The following GPD2 variants were observed in gnomAD, a reference collection of about 807,000 sequenced individuals.
GPD2 encodes glycerol-3-phosphate dehydrogenase, mitochondrial.
In GPD2, 54 loss-of-function variants were observed where a neutral mutation model predicts 82.4. The ratio of observed to expected loss-of-function variants is 0.66; its 90% CI spans 0.53 to 0.82. The LOEUF is 0.82. Ranked by LOEUF, GPD2 falls within the 40% of genes least tolerant of loss-of-function variation. GPD2 has a pLI of 0.00. For missense variants in GPD2, 748 were observed against 896.2 expected, an observed-to-expected ratio of 0.83 and a Z score of 2.11; for synonymous variants, 288 against 306.1, an observed-to-expected ratio of 0.94 and a Z score of 0.62.
At chr2:156,531,350 G>T (rs1244864073) in intron 6 of GPD2, among the ~76,000 whole-genome samples, 1 of 152,182 alleles carries the variant, frequency 6.6e-6, no homozygotes, top group Non-Finnish European at 1.5e-5. Flanking sequence ...ATCCCCTGAG[G>T]TCAGGAGAAC....
chr2:156,523,670 CTAGATAGATAGATAGATAGA>C lies in GPD2; in HGVS notation c.661+10205_661+10224del, dbSNP rs3086039. ...AAATTGTTCAACAATAATTTCTTTTCTAGATAGATAGATAGATAGATAGATAGATAGATAGATAGATAGAT... is the reference window on the plus strand; with the variant it reads ...AAATTGTTCAACAATAATTTCTTTTCTAGATAGATAGATAGATAGATAGAT... On this transcript the variant is annotated intron_variant, in intron 6 of 16. Coordinates refer to ENST00000438166, the MANE Select transcript of GPD2 (RefSeq NM_000408.5). 3.6e-3 allele frequency among the ~76,000 whole-genome samples: 533 copies of C among 146,698 alleles called. 2 individuals carry two copies. The highest frequency in any genetic ancestry group is 6.2e-3 in the Non-Finnish European group (413 of 66,658).
chr2:156,416,020 CA>C, the GPD2 span, among the ~76,000 whole-genome samples: 80 of 44,398 alleles, frequency 1.8e-3, 3 homozygotes, highest in Non-Finnish European at 2.3e-3. Context: ...GACTCCGTCT[CA>C]AAAAAAAAAA....
At position 156,570,090 on chromosome 2, in the gene GPD2, G is replaced by A; in HGVS notation, c.1480G>A (p.Ala494Thr). Residue 494 changes from alanine (A) to threonine (T), a missense_variant, in exon 12 of 17, where the codon GCA becomes ACA. By Grantham distance (58) the Ala-to-Thr change is moderately conservative. This residue lies in a region of GPD2 where 692 missense variants were observed against 809.7 expected (regional missense o/e 0.85). Transcript: ENST00000438166. ...VQDYGLESEVAQHLAATYGDK... is the reference protein window; with the variant it reads ...VQDYGLESEVTQHLAATYGDK... ...TAACGCAGCTTTATTTCTCTAGGTG[G>A]CACAGCATCTTGCCGCCACCTATGG... 1 of 1,611,080 alleles carries A rather than the reference G, an allele frequency of 6.2e-7. No homozygotes were observed. The highest frequency in any genetic ancestry group is 8.5e-7 in the Non-Finnish European group (1 of 1,178,988).
intron 1 of GPD2, among the ~76,000 whole-genome samples, chr2:156,460,095 A>G (rs1682938338): frequency 6.6e-6 from 1 of 152,202 alleles, no homozygotes; most frequent in Admixed American, 6.5e-5. Flanking sequence ...ATTAAGTTTA[A>G]GTTTTACTTA....
At chr2:156,561,192 C>T (rs552850989) in intron 9 of GPD2, among the ~76,000 whole-genome samples, 9 of 151,282 alleles carry the variant, frequency 5.9e-5, no homozygotes, top group African/African-American at 1.5e-4. Flanking sequence ...GGATTACAGG[C>T]ACACGCCACC....
chr2:156,549,732 A>G lies in GPD2; in HGVS notation c.786A>G (p.Lys262=), dbSNP rs1686685183. The part of the protein sequence containing the change: ...LLKKTDPQTG[K]VRVSGARCKD... Reference sequence around the variant, plus strand: ...AGAAGACAGACCCCCAGACAGGGAAAGTGCGTGTGAGCGGCGCACGGTGCA... The same window carrying G: ...AGAAGACAGACCCCCAGACAGGGAAGGTGCGTGTGAGCGGCGCACGGTGCA... Residue 262 remains lysine (K), a synonymous_variant, in exon 7 of 17, where the codon AAA becomes AAG. Transcript: ENST00000438166. 2 of 1,613,998 alleles carry G rather than the reference A, an allele frequency of 1.2e-6. No homozygotes were observed. The highest frequency in any genetic ancestry group is 1.7e-6 in the Non-Finnish European group (2 of 1,179,946).
At chr2:156,406,483 G>A in the GPD2 span, among the ~76,000 whole-genome samples, 1 of 152,094 alleles carries the variant, frequency 6.6e-6, no homozygotes, top group African/African-American at 2.4e-5. Context: ...ACAATTATCA[G>A]CTCACTCCCT....
At chr2:156,546,031 T>C (rs982394168) in intron 6 of GPD2, among the ~76,000 whole-genome samples, 42 of 152,356 alleles carry the variant, frequency 2.8e-4, no homozygotes, top group Admixed American at 2.4e-3. Context: ...GTAGATTTTA[T>C]ATTTTGTTTC....
chr2:156,495,917 TG>T, intron 2 of GPD2, 126 bp from the exon 3 acceptor site: 1 of 706,662 alleles, frequency 1.4e-6, no homozygotes, highest in Non-Finnish European at 2.5e-6. Context: ...TAACTCTATG[TG>T]GACTGTGGAC....
chr2:156,514,899 A>T (rs1056934134), intron 6 of GPD2, among the ~76,000 whole-genome samples: 10 of 152,148 alleles, frequency 6.6e-5, no homozygotes, highest in African/African-American at 2.4e-4. Context: ...TTATTGGGTG[A>T]TTATAGTAAA....
rs547685202 is a variant in GPD2, at chr2:156,535,736, C to T, written c.662-13872C>T. ...GAATAATCTAGATCTTTTAAAGCTT[C>T]GGTAATGTGGGCTTTAAAAAATCTG... is the stretch of plus-strand genomic sequence containing the variant. On this transcript the variant is annotated intron_variant, in intron 6 of 16. Transcript: ENST00000438166. Among the ~76,000 whole-genome samples the T allele has an allele frequency of 5.3e-5, 8 of 152,212 alleles. No individual in the cohort carries two copies. In the East Asian group the frequency reaches 7.7e-4, roughly 15 times the overall value.
At chr2:156,520,330 A>C (rs1190017219) in intron 6 of GPD2, among the ~76,000 whole-genome samples, 1 of 130,570 alleles carries the variant, frequency 7.7e-6, no homozygotes, top group Non-Finnish European at 1.6e-5. Flanking sequence ...ACCCTCTGCT[A>C]CCCAGTATTT....
the GPD2 span, among the ~76,000 whole-genome samples, chr2:156,408,543 T>A: frequency 6.6e-6 from 1 of 151,394 alleles, no homozygotes; most frequent in Admixed American, 6.6e-5. Context: ...CTGGGCAACA[T>A]AGGGAGACCA....
chr2:156,415,003 G>T, the GPD2 span, among the ~76,000 whole-genome samples: 1 of 151,796 alleles, frequency 6.6e-6, no homozygotes, highest in Non-Finnish European at 1.5e-5. Flanking sequence ...TTTCCCATAG[G>T]TTATTGGGGT....
intron 6 of GPD2, among the ~76,000 whole-genome samples, chr2:156,518,184 C>T (rs1685267813): frequency 6.6e-6 from 1 of 152,160 alleles, no homozygotes; most frequent in Non-Finnish European, 1.5e-5. Flanking sequence ...GAATTCAGCT[C>T]GTGAGAGAGC....
At chr2:156,552,056 T>C (rs1255102970) in intron 8 of GPD2, among the ~76,000 whole-genome samples, 1 of 152,238 alleles carries the variant, frequency 6.6e-6, no homozygotes, top group Non-Finnish European at 1.5e-5. Flanking sequence ...TAGTTGTTGG[T>C]TGTCCGGTAA....
At chr2:156,539,295 A>G (rs1336216969) in intron 6 of GPD2, among the ~76,000 whole-genome samples, 1 of 152,180 alleles carries the variant, frequency 6.6e-6, no homozygotes, top group Non-Finnish European at 1.5e-5. Context: ...TACTTAATAG[A>G]TGAAACAGAC....
chr2:156,515,249 G>A (rs947359434), intron 6 of GPD2, among the ~76,000 whole-genome samples: 2 of 151,738 alleles, frequency 1.3e-5, no homozygotes, highest in African/African-American at 2.4e-5. Flanking sequence ...AAAAATACAA[G>A]AAATTAGCCA....
At chr2:156,566,801 C>T (rs1296516950) in intron 9 of GPD2, among the ~76,000 whole-genome samples, 9 of 152,054 alleles carry the variant, frequency 5.9e-5, no homozygotes, top group Admixed American at 4.6e-4. Flanking sequence ...AGTAGCTGCA[C>T]CATTTTACCT....
Sources: allele counts gnomAD v4.1 joint callset (sites outside exome capture counted in the v4.1 genomes callset), GRCh38; gene constraint gnomAD v4.1.1; regional missense constraint gnomAD v4.1.1; transcripts MANE v1.5; gene names NCBI Gene and HGNC (gene_info 2026-07-23, HGNC 2026-07-21).